Variants in ANKRD11 observed in about 807,000 individuals in gnomAD.
ANKRD11 encodes the protein ankyrin repeat domain-containing protein 11.
Under a neutral mutation model 195.7 loss-of-function variants are expected in ANKRD11, and 17 were observed. The ratio of observed to expected loss-of-function variants is 0.09; its 90% confidence interval spans 0.06 to 0.13. The LOEUF (loss-of-function observed/expected upper bound fraction) is 0.13, where lower values mean the gene tolerates loss of function less well. Ranked by LOEUF, ANKRD11 falls within the 10% of genes least tolerant of loss-of-function variation. The pLI, the probability that ANKRD11 is intolerant of heterozygous loss-of-function variation, is 1.00. For synonymous variants in ANKRD11, 1,953 were observed against 1,528.1 expected, an observed-to-expected ratio of 1.28 and a Z score of -6.49; for missense variants, 3,735 against 3,566.1, an observed-to-expected ratio of 1.05 and a Z score of -1.21.
At chr16:89,416,896 G>A (rs1236065051) in intron 2 of ANKRD11, among the ~76,000 whole-genome samples, 1 of 151,884 alleles carries the variant, frequency 6.6e-6, no homozygotes, top group African/African-American at 2.4e-5. Flanking sequence ...CTCCCTCATC[G>A]CTGCCCCCCT....
chr16:89,286,687 T>C (rs1321374332), intron 7 of ANKRD11: 2 of 1,246,528 alleles, frequency 1.6e-6, no homozygotes, highest in Non-Finnish European at 2.1e-6. Context: ...TATTTTTTAT[T>C]TTCATTTACA....
rs1053121119 is a variant in ANKRD11 at position 89,279,580 on chromosome 16, G to A, written c.6962C>T (p.Ala2321Val). ...QPEAAEPKPTAEAPKAPRVEE... is the reference protein window; with the variant it reads ...QPEAAEPKPTVEAPKAPRVEE... ...CACTCGGGGGGCCTTCGGGGCTTCGGCCGTGGGTTTTGGTTCTGCGGCTTC... is the reference window on the plus strand; with the variant it reads ...CACTCGGGGGGCCTTCGGGGCTTCGACCGTGGGTTTTGGTTCTGCGGCTTC... The change falls in exon 9 of 13, where the codon GCC (alanine) becomes GTC (valine). Residue 2321 changes from alanine to valine, a missense_variant. By Grantham distance (64) the Ala-to-Val change is moderately conservative (BLOSUM62 0). Coordinates refer to ENST00000301030, the MANE Select transcript of ANKRD11 (RefSeq NM_013275.6). This position sits in a 1 kb window ranked among gnomAD's most constrained non-coding sequence, Gnocchi z 5.6. The A allele has an allele frequency of 1.4e-6, 2 of 1,451,804 alleles. No individual in the cohort carries two copies. Among genetic ancestry groups the A allele is most frequent in the Non-Finnish European group, 1.8e-6 (2 of 1,095,890 alleles). The allele number at this position is 1,451,804 out of a possible 1,614,324, so 89.9% of individuals were successfully genotyped here.
chr16:89,287,012 A>T (rs886747710), intron 7 of ANKRD11: 34 of 1,289,378 alleles, frequency 2.6e-5, no homozygotes, highest in South Asian at 7.4e-5. Flanking sequence ...TATGTGTGTG[A>T]GTTTTCTATG....
chr16:89,308,814 A>C (rs1195752361), intron 3 of ANKRD11, among the ~76,000 whole-genome samples: 1 of 152,206 alleles, frequency 6.6e-6, no homozygotes, highest in East Asian at 1.9e-4. Flanking sequence ...AAACGGGTGC[A>C]CACCATGAGA....
chr16:89,275,637 A>G (rs1203020840), intron 9 of ANKRD11, among the ~76,000 whole-genome samples: 1 of 152,136 alleles, frequency 6.6e-6, no homozygotes, highest in East Asian at 1.9e-4. Context: ...ACAGTGGAAT[A>G]TGAAAGCTGA....
chr16:89,341,844 AGTGCTGC>A (rs1567673434), intron 2 of ANKRD11, among the ~76,000 whole-genome samples: 3 of 150,828 alleles, frequency 2.0e-5, no homozygotes, highest in African/African-American at 7.3e-5. Flanking sequence ...CCACGGCGGG[AGTGCTGC>A]ACCTCCACCC....
At chr16:89,451,226 T>C (rs2152314849) in intron 1 of ANKRD11, among the ~76,000 whole-genome samples, 1 of 152,222 alleles carries the variant, frequency 6.6e-6, no homozygotes, top group East Asian at 1.9e-4. Flanking sequence ...GTGCTAATAG[T>C]TTTAAGGGTG....
rs1025211450 is a variant in ANKRD11, at chr16:89,344,660, G to A, written c.-59-27582C>T. Among the ~76,000 whole-genome samples the A allele has an allele frequency of 1.5e-4, 23 of 152,308 alleles. 1 individual carries two copies. Among genetic ancestry groups the A allele is most frequent in the African/African-American group, 5.3e-4 (22 of 41,572 alleles). The stretch of plus-strand genomic sequence containing the variant: ...GGAAGAAAGAGGGCCAGAAATGAGG[G>A]CACCCTCATGCATGCTGGGAGCTGC... On this transcript the variant is annotated intron_variant, in intron 2 of 12. Coordinates refer to ENST00000301030, the MANE Select transcript of ANKRD11 (RefSeq NM_013275.6).
intron 1 of ANKRD11, among the ~76,000 whole-genome samples, chr16:89,424,322 T>G (rs1266295422): frequency 6.6e-6 from 1 of 151,672 alleles, no homozygotes; most frequent in Non-Finnish European, 1.5e-5. Flanking sequence ...ATGCCTGTAA[T>G]CCCAGCTACT....
At chr16:89,293,021 T>C (rs374030160) in intron 4 of ANKRD11, among the ~76,000 whole-genome samples, 2 of 152,178 alleles carry the variant, frequency 1.3e-5, no homozygotes, top group African/African-American at 4.8e-5. Context: ...CCCCCACCGA[T>C]AGCCCTCAAG....
In ANKRD11 at chr16:89,282,245, A is replaced by G. The variant is rs1567569593; in HGVS notation, c.4297T>C (p.Ser1433Pro). The G allele has an allele frequency of 2.5e-6, 4 of 1,613,290 alleles. No homozygotes were observed. Among genetic ancestry groups the G allele is most frequent in the Admixed American group, 3.3e-5 (2 of 59,886 alleles). Reference sequence around the variant, plus strand: ...ATTTTCTTGGAAGGTTCTCTCTCGGAATCATTTTTATCTTTCTTTTCGGTA... The same window carrying G: ...ATTTTCTTGGAAGGTTCTCTCTCGGGATCATTTTTATCTTTCTTTTCGGTA... ...FSTEKKDKNDSEREPSKKIEK... is the reference protein window; with the variant it reads ...FSTEKKDKNDPEREPSKKIEK... The change falls in exon 9 of 13, where the codon TCC becomes CCC. Residue 1433 changes from serine to proline, a missense_variant. Coordinates refer to ENST00000301030, the MANE Select transcript of ANKRD11 (RefSeq NM_013275.6).
intron 2 of ANKRD11, among the ~76,000 whole-genome samples, chr16:89,336,872 T>TC (rs2038382001): frequency 6.6e-6 from 1 of 152,030 alleles, no homozygotes; most frequent in African/African-American, 2.4e-5. Context: ...ACGCCTGTAA[T>TC]CCCAGCACTC....
intron 1 of ANKRD11, among the ~76,000 whole-genome samples, chr16:89,482,586 C>G (rs1275175864): frequency 6.6e-6 from 1 of 152,200 alleles, no homozygotes; most frequent in African/African-American, 2.4e-5. Flanking sequence ...GGGAGATGAC[C>G]TCGCAGTGCT....
chr16:89,301,005 C>T lies in ANKRD11; in HGVS notation c.226+4201G>A, dbSNP rs760869727. The T allele has an allele frequency of 6.9e-5, 43 of 626,916 alleles. No homozygotes were observed. The South Asian group carries it at 7.2e-4, about 10-fold the overall frequency. The allele number at this position is 626,916 out of a possible 1,614,324, so 38.8% of individuals were successfully genotyped here. ...AGACTCAGGGTCACAGACGAAGGCG[C>T]AGGAGAAACAGCGGGGCAGGAGGCT... On this transcript the variant is annotated intron_variant, in intron 4 of 12. Transcript: ENST00000301030.
Position 89,284,812 on chromosome 16 carries a change from G to C in ANKRD11, c.1730C>G (p.Ser577Cys). 1 of 1,613,814 alleles carries C rather than the reference G, an allele frequency of 6.2e-7. No homozygotes were observed. Among genetic ancestry groups the C allele is most frequent in the African/African-American group, 1.3e-5 (1 of 75,040 alleles). The change falls in exon 9 of 13, where the codon TCT becomes TGT. Residue 577 changes from serine (S) to cysteine (C), a missense_variant. Ser to Cys is a moderately radical substitution (Grantham distance 112). Coordinates refer to ENST00000301030, the MANE Select transcript of ANKRD11 (RefSeq NM_013275.6). ...ACTGGAGCCCTCAGAGGAGTAGTCA[G>C]ACTCGCTTGTCAGTCTCGTCCTTGT... ...DSTRTRLTSE[S>C]DYSSEGSSVE...
At chr16:89,334,425 G>A (rs1226142888) in intron 2 of ANKRD11, among the ~76,000 whole-genome samples, 1 of 152,066 alleles carries the variant, frequency 6.6e-6, no homozygotes, top group Non-Finnish European at 1.5e-5. Context: ...CTCCAAGCCT[G>A]CCATTCTCTG....
intron 2 of ANKRD11, among the ~76,000 whole-genome samples, chr16:89,416,006 T>G (rs1198302221): frequency 6.6e-6 from 1 of 151,898 alleles, no homozygotes; most frequent in Non-Finnish European, 1.5e-5. Flanking sequence ...ACAGACCTCA[T>G]GCTAAGGGCC....
chr16:89,305,807 G>A (rs186693863), intron 3 of ANKRD11, among the ~76,000 whole-genome samples: 2 of 101,986 alleles, frequency 2.0e-5, no homozygotes, highest in African/African-American at 8.3e-5. Context: ...CTCCCACTCC[G>A]CAGACATGCG....
intron 1 of ANKRD11, among the ~76,000 whole-genome samples, chr16:89,448,837 C>T (rs539688125): frequency 6.6e-6 from 1 of 152,262 alleles, no homozygotes; most frequent in South Asian, 2.1e-4. Context: ...GGCATGCGGG[C>T]AGGGCAGGAG....
Sources: gnomAD v4.1 joint callset for allele counts (sites outside exome capture counted in the v4.1 genomes callset) on GRCh38, gnomAD v4.1.1 for gene constraint, Gnocchi (gnomAD v3.1) non-coding constraint, MANE v1.5 for transcripts, NCBI Gene and HGNC (gene_info 2026-07-23, HGNC 2026-07-21) for gene names.